The following TRPM7 variants were observed in gnomAD, a reference collection of about 807,000 sequenced individuals.
The protein encoded by TRPM7 is transient receptor potential cation channel subfamily M member 7.
In TRPM7, 134 loss-of-function variants were observed where a neutral mutation model predicts 229.7. That is an observed-to-expected ratio of 0.58 (90% CI 0.51 to 0.67). The LOEUF is 0.67. Among genes scored for constraint, TRPM7 ranks in the 30% least tolerant of loss-of-function variants. TRPM7 has a pLI of 0.00. For synonymous variants in TRPM7, 699 were observed against 715.2 expected, an observed-to-expected ratio of 0.98 and a Z score of 0.36; for missense variants, 1,901 against 2,210.0, an observed-to-expected ratio of 0.86 and a Z score of 2.80.
intron 8 of TRPM7, among the ~76,000 whole-genome samples, chr15:50,633,595 C>G (rs928728628): frequency 6.6e-6 from 1 of 152,124 alleles, no homozygotes; most frequent in African/African-American, 2.4e-5. Context: ...TTCTCTACAC[C>G]TTCCTTTTTG....
At chr15:50,602,115 A>G (rs2059797762) in intron 21 of TRPM7, among the ~76,000 whole-genome samples, 1 of 151,940 alleles carries the variant, frequency 6.6e-6, no homozygotes, top group South Asian at 2.1e-4. Flanking sequence ...TCACAATAGC[A>G]AAGACTTGGA....
intron 4 of TRPM7, among the ~76,000 whole-genome samples, chr15:50,646,667 A>C (rs1029766756): frequency 6.6e-6 from 1 of 152,228 alleles, no homozygotes; most frequent in Non-Finnish European, 1.5e-5. Context: ...AGAGCACATA[A>C]GTCTTAAGAG....
chr15:50,561,535 TGAC>T lies in TRPM7; in HGVS notation c.*140_*142del. The T allele has an allele frequency of 1.2e-6, 1 of 831,082 alleles. No homozygotes were observed. The highest frequency in any genetic ancestry group is 1.9e-5 in the South Asian group (1 of 51,456). The allele number at this position is 831,082 out of a possible 1,614,324, so 51.5% of individuals were successfully genotyped here. On this transcript the variant is annotated 3_prime_UTR_variant, in exon 39 of 39. Transcript: ENST00000646667. ...CTGATTAATCAGGTCAAAAGAATAT[TGAC>T]CTTTTAACTGTGCTGGAGTCAGCAA...
chr15:50,635,318 TAA>T (rs71124393), intron 7 of TRPM7, among the ~76,000 whole-genome samples: 495 of 42,874 alleles, frequency 0.012, 3 homozygotes, highest in African/African-American at 0.037. Flanking sequence ...CTCCCTCACA[TAA>T]AAAAAAAAAA....
chr15:50,566,809 G>GAAT (rs746466483), intron 38 of TRPM7, among the ~76,000 whole-genome samples: 4 of 152,040 alleles, frequency 2.6e-5, no homozygotes, highest in South Asian at 4.2e-4. Flanking sequence ...AAAATAAAAA[G>GAAT]AATAAATCAA....
chr15:50,620,346 G>A (rs1009276445), intron 12 of TRPM7, among the ~76,000 whole-genome samples: 6 of 149,920 alleles, frequency 4.0e-5, no homozygotes, highest in Admixed American at 1.3e-4. Flanking sequence ...TATCGTTAGT[G>A]TTAGTGTATT....
chr15:50,659,369 T>C (rs1403486692), intron 2 of TRPM7, among the ~76,000 whole-genome samples: 1 of 152,150 alleles, frequency 6.6e-6, no homozygotes, highest in African/African-American at 2.4e-5. Context: ...GATTTTTTAT[T>C]AGCAAGGTAA....
chr15:50,617,228 T>G (rs1400753830), intron 13 of TRPM7, among the ~76,000 whole-genome samples: 1 of 151,632 alleles, frequency 6.6e-6, no homozygotes, highest in Non-Finnish European at 1.5e-5. Flanking sequence ...TCCCAGCTAC[T>G]CGGGAGGCTG....
At chr15:50,564,532 CAT>C (rs760141827) in intron 38 of TRPM7, among the ~76,000 whole-genome samples, 30 of 151,472 alleles carry the variant, frequency 2.0e-4, no homozygotes, top group East Asian at 1.6e-3. Flanking sequence ...CATGCATTAA[CAT>C]ATATATATGT....
chr15:50,604,423 T>C (rs1383012162), intron 21 of TRPM7: 1 of 152,228 alleles, frequency 6.6e-6, no homozygotes, highest in Non-Finnish European at 1.5e-5. Flanking sequence ...AAATACAAAA[T>C]TAGCTGGGCA....
At chr15:50,592,877 C>A (rs1040991204) in intron 25 of TRPM7, among the ~76,000 whole-genome samples, 1 of 152,046 alleles carries the variant, frequency 6.6e-6, no homozygotes, top group African/African-American at 2.4e-5. Flanking sequence ...CCAATTACCC[C>A]ACATCAAAGT....
chr15:50,569,647 T>C (rs2053774492), intron 38 of TRPM7, among the ~76,000 whole-genome samples: 1 of 152,192 alleles, frequency 6.6e-6, no homozygotes, highest in Non-Finnish European at 1.5e-5. Flanking sequence ...CTTTCAACAC[T>C]GAGCACAATT....
intron 1 of TRPM7, among the ~76,000 whole-genome samples, chr15:50,678,015 G>A (rs1484491375): frequency 2.6e-5 from 4 of 151,638 alleles, no homozygotes; most frequent in Non-Finnish European, 4.4e-5. Flanking sequence ...CGAGGCGGGC[G>A]GATCACGAGG....
intron 1 of TRPM7, among the ~76,000 whole-genome samples, chr15:50,684,088 G>A (rs569482080): frequency 1.3e-5 from 2 of 151,976 alleles, no homozygotes; most frequent in Middle Eastern, 3.4e-3. Flanking sequence ...CTGACCTCAA[G>A]TGATCCGGGA....
chr15:50,618,131 G>C (rs2060279982), intron 13 of TRPM7, among the ~76,000 whole-genome samples: 1 of 151,832 alleles, frequency 6.6e-6, no homozygotes, highest in Non-Finnish European at 1.5e-5. Flanking sequence ...AATATAAATG[G>C]CTATAAAAGT....
At chr15:50,663,073 T>A in intron 1 of TRPM7, 27 bp from the exon 2 acceptor site, 1 of 1,555,986 alleles carries the variant, frequency 6.4e-7, no homozygotes, top group South Asian at 1.1e-5. Context: ...TAAAGAATTG[T>A]TTATAAGTTA....
intron 13 of TRPM7, 77 bp downstream of exon 13, chr15:50,619,668 A>T: frequency 8.6e-7 from 1 of 1,159,098 alleles, no homozygotes; most frequent in Non-Finnish European, 1.2e-6. Flanking sequence ...TATTTAAATG[A>T]TTTTTTTTTT....
rs2059886184 is a variant in TRPM7, at chr15:50,605,102, C to T, written c.2752G>A (p.Val918Ile). 6.2e-7 allele frequency: 1 copy of T among 1,607,716 alleles called. No homozygotes were observed. Among genetic ancestry groups the T allele is most frequent in the Non-Finnish European group, 8.5e-7 (1 of 1,177,626 alleles). The change falls in exon 21 of 39, where the codon GTA becomes ATA. Residue 918 changes from valine (V) to isoleucine (I), a missense_variant. By Grantham distance (29) the Val-to-Ile change is conservative (BLOSUM62 3). This residue lies in a region of TRPM7 where 207 missense variants were observed against 241.5 expected (regional missense o/e 0.86). Coordinates refer to ENST00000646667, the MANE Select transcript of TRPM7 (RefSeq NM_017672.6). The stretch of plus-strand genomic sequence containing the variant: ...ATGTTGAAGTAATCACTAAACCATA[C>T]TTTAATCTTCTGGTTTACTTTCCCA... The part of the protein sequence containing the change: ...EAGKVNQKIK[V>I]WFSDYFNISD...
chr15:50,683,128 T>A (rs187091072), intron 1 of TRPM7, among the ~76,000 whole-genome samples: 55 of 151,546 alleles, frequency 3.6e-4, no homozygotes, highest in Admixed American at 2.8e-3. Context: ...GCTCAAGGGA[T>A]CCACCCGCCT....
Sources: allele counts gnomAD v4.1 joint callset (sites outside exome capture counted in the v4.1 genomes callset), GRCh38; gene constraint gnomAD v4.1.1; regional missense constraint gnomAD v4.1.1; transcripts MANE v1.5; gene names NCBI Gene and HGNC (gene_info 2026-07-23, HGNC 2026-07-21).